The following ARPP21 variants were observed in gnomAD, a reference collection of about 807,000 sequenced individuals.
ARPP21 encodes cAMP regulated phosphoprotein 21.
Under a neutral mutation model 113.2 loss-of-function variants are expected in ARPP21, and 69 were observed. The ratio of observed to expected loss-of-function variants is 0.61; its 90% CI spans 0.50 to 0.74. ARPP21 has a LOEUF of 0.74. ARPP21 is among the 30% of genes least tolerant of loss of function. The pLI is 0.00. For synonymous variants in ARPP21, 368 were observed against 375.5 expected, an observed-to-expected ratio of 0.98 and a Z score of 0.23; for missense variants, 1,070 against 1,037.4, an observed-to-expected ratio of 1.03 and a Z score of -0.43.
intron 19 of ARPP21, among the ~76,000 whole-genome samples, chr3:35,763,532 T>C (rs1470616605): frequency 6.6e-6 from 1 of 152,160 alleles, no homozygotes; most frequent in Non-Finnish European, 1.5e-5. Context: ...GCAGTTACAA[T>C]ATTATGGACA....
At chr3:35,736,010 T>C (rs1281811959) in intron 15 of ARPP21, among the ~76,000 whole-genome samples, 1 of 152,228 alleles carries the variant, frequency 6.6e-6, no homozygotes, top group East Asian at 1.9e-4. Flanking sequence ...AGTTGTTCCA[T>C]GTACTCATTA....
At chr3:35,664,644 C>G (rs1302163898) in intron 1 of ARPP21, among the ~76,000 whole-genome samples, 2 of 152,122 alleles carry the variant, frequency 1.3e-5, no homozygotes, top group African/African-American at 4.8e-5. Context: ...TCGAATTGAG[C>G]AGGAATTTGT....
intron 17 of ARPP21, among the ~76,000 whole-genome samples, chr3:35,738,643 G>T (rs7615799): frequency 0.1 from 15,665 of 152,222 alleles, 836 homozygotes; most frequent in Non-Finnish European, 0.12. Flanking sequence ...GTTCGGGAAA[G>T]ATCTCAAGGA....
chr3:35,662,928 T>C (rs1015797146), intron 1 of ARPP21, among the ~76,000 whole-genome samples: 10 of 151,922 alleles, frequency 6.6e-5, no homozygotes, highest in African/African-American at 2.4e-4. Flanking sequence ...GTGAGTGGCA[T>C]AGGGAAGAAA....
intron 1 of ARPP21, among the ~76,000 whole-genome samples, chr3:35,677,543 C>T (rs1412896116): frequency 1.3e-5 from 2 of 151,834 alleles, no homozygotes; most frequent in Non-Finnish European, 2.9e-5. Flanking sequence ...TTTCCTGTAG[C>T]TTAATTTGCA....
At chr3:35,738,499 T>C (rs1308906823) in intron 17 of ARPP21, among the ~76,000 whole-genome samples, 181 bp downstream of exon 17, 1 of 152,210 alleles carries the variant, frequency 6.6e-6, no homozygotes, top group Non-Finnish European at 1.5e-5. Flanking sequence ...TGGTTTCCTT[T>C]CTGTCATCTG....
At chr3:35,648,609 T>C (rs1307165555) in intron 1 of ARPP21, among the ~76,000 whole-genome samples, 1 of 152,160 alleles carries the variant, frequency 6.6e-6, no homozygotes, top group Non-Finnish European at 1.5e-5. Flanking sequence ...TCTGCATTAC[T>C]TTTGCTGAAA....
At chr3:35,654,927 A>G (rs2149046620) in intron 1 of ARPP21, among the ~76,000 whole-genome samples, 1 of 152,226 alleles carries the variant, frequency 6.6e-6, no homozygotes, top group East Asian at 1.9e-4. Flanking sequence ...ATCTTATTTT[A>G]TGACCTGAAG....
intron 2 of ARPP21, 62 bp from the exon 3 acceptor site, chr3:35,681,652 C>A (rs2078966314): frequency 1.2e-6 from 1 of 823,656 alleles, no homozygotes. Context: ...GAAATGAAAT[C>A]TCTAAAGAAT....
chr3:35,698,989 T>G (rs1365988396), intron 9 of ARPP21, among the ~76,000 whole-genome samples: 7 of 151,684 alleles, frequency 4.6e-5, no homozygotes, highest in Admixed American at 4.0e-4. Flanking sequence ...TCTCAAGTGT[T>G]CGGTACTGCG....
At chr3:35,649,773 T>G (rs1234886751) in intron 1 of ARPP21, among the ~76,000 whole-genome samples, 1 of 152,126 alleles carries the variant, frequency 6.6e-6, no homozygotes, top group East Asian at 1.9e-4. Context: ...CTTCTCTTCC[T>G]GCTACTTTGG....
intron 19 of ARPP21, among the ~76,000 whole-genome samples, chr3:35,768,256 C>A (rs919578633): frequency 6.6e-6 from 1 of 151,900 alleles, no homozygotes; most frequent in Non-Finnish European, 1.5e-5. Flanking sequence ...TTCCCCAGAC[C>A]CTCACCTCAT....
chr3:35,653,711 T>G (rs1336231662), intron 1 of ARPP21, among the ~76,000 whole-genome samples: 1 of 152,118 alleles, frequency 6.6e-6, no homozygotes, highest in Non-Finnish European at 1.5e-5. Flanking sequence ...CTTCATGAGT[T>G]ACGTATAAAA....
chr3:35,684,239 C>T lies in ARPP21; in HGVS notation c.261+424C>T, dbSNP rs1456357651. On this transcript the variant is annotated intron_variant, in intron 5 of 20. Coordinates refer to ENST00000684406, the MANE Select transcript of ARPP21 (RefSeq NM_001385562.1). ...CCTATAAGAAACACAATTGCTGGTTCATATGAAACTTAGGAAATAGTGAAT... is the reference window on the plus strand; with the variant it reads ...CCTATAAGAAACACAATTGCTGGTTTATATGAAACTTAGGAAATAGTGAAT... 5 of 1,259,878 alleles carry T rather than the reference C, an allele frequency of 4.0e-6. No individual in the cohort carries two copies. The African/African-American group carries it at 6.0e-5, about 15-fold the overall frequency. The allele number at this position is 1,259,878 out of a possible 1,614,324, so 78.0% of individuals were successfully genotyped here. A position where few individuals can be genotyped will look rare whatever the true frequency, so the allele number is the denominator to read the frequency against.
intron 9 of ARPP21, among the ~76,000 whole-genome samples, chr3:35,692,541 C>A (rs1002820777): frequency 6.6e-6 from 1 of 151,554 alleles, no homozygotes; most frequent in African/African-American, 2.4e-5. Context: ...TCCCATAGTT[C>A]AAGTATATTA....
intron 9 of ARPP21, among the ~76,000 whole-genome samples, chr3:35,695,190 G>A (rs1375687604): frequency 1.3e-5 from 2 of 151,444 alleles, no homozygotes; most frequent in Non-Finnish European, 3.0e-5. Flanking sequence ...GCGGTGAGAA[G>A]CAATGAGACA....
chr3:35,677,103 T>C (rs766010498), intron 1 of ARPP21, among the ~76,000 whole-genome samples: 10 of 151,924 alleles, frequency 6.6e-5, no homozygotes, highest in Non-Finnish European at 1.2e-4. Context: ...CCTTCTCTTG[T>C]TTTTAGCATA....
intron 19 of ARPP21, among the ~76,000 whole-genome samples, chr3:35,781,763 T>C (rs1425050591): frequency 6.6e-6 from 1 of 152,170 alleles, no homozygotes; most frequent in Non-Finnish European, 1.5e-5. Flanking sequence ...ATTGCTGTAA[T>C]ATTGATGAAA....
intron 11 of ARPP21, among the ~76,000 whole-genome samples, chr3:35,709,375 C>T (rs1193150457): frequency 1.3e-5 from 2 of 152,150 alleles, no homozygotes; most frequent in Non-Finnish European, 1.5e-5. Context: ...AATGCCTTCA[C>T]CTCCACATTA....
Sources: allele counts gnomAD v4.1 joint callset (sites outside exome capture counted in the v4.1 genomes callset), GRCh38; gene constraint gnomAD v4.1.1; transcripts MANE v1.5; gene names NCBI Gene and HGNC (gene_info 2026-07-23, HGNC 2026-07-21).